The following MED12L variants were observed in gnomAD, a reference collection of about 807,000 sequenced individuals.
MED12L encodes mediator of RNA polymerase II transcription subunit 12-like protein.
A neutral mutation model predicts 281.3 loss-of-function variants in MED12L; 60 were observed. That is an observed-to-expected ratio of 0.21 (90% CI 0.17 to 0.26). The LOEUF is 0.26. Among genes scored for constraint, MED12L ranks in the 10% least tolerant of loss-of-function variants. The pLI is 1.00. For missense variants in MED12L, 2,146 were observed against 2,680.9 expected, an observed-to-expected ratio of 0.80 and a Z score of 4.41; for synonymous variants, 974 against 987.2, an observed-to-expected ratio of 0.99 and a Z score of 0.25.
chr3:151,130,994 A>C (rs1441537382), intron 5 of MED12L, among the ~76,000 whole-genome samples: 1 of 152,188 alleles, frequency 6.6e-6, no homozygotes, highest in African/African-American at 2.4e-5. Flanking sequence ...TAAAATAAAT[A>C]AATGAATAAT....
Position 151,127,823 on chromosome 3 carries a change from AG to A in MED12L, c.397del. ...TAAATATACTATGTTGTTTCTTTTT[AG>A]GTTCCTATCCTTAGTAAAAAAGAGG... On this transcript the variant is annotated splice_acceptor_variant, in intron 4 of 44. Coordinates refer to ENST00000687756, the MANE Select transcript of MED12L (RefSeq NM_001393769.1). LOFTEE classifies it high-confidence loss of function. 1.3e-6 allele frequency: 2 copies of A among 1,585,294 alleles called. No homozygotes were observed. The highest frequency in any genetic ancestry group is 1.7e-6 in the Non-Finnish European group (2 of 1,156,438).
At chr3:151,142,587 TTACC>T (rs1201964677) in intron 5 of MED12L, among the ~76,000 whole-genome samples, 1 of 152,240 alleles carries the variant, frequency 6.6e-6, no homozygotes, top group Non-Finnish European at 1.5e-5. Context: ...GCAATAATTC[TTACC>T]AGTTTCATGC....
intron 16 of MED12L, among the ~76,000 whole-genome samples, chr3:151,256,173 G>A (rs1234484589): frequency 6.6e-6 from 1 of 152,136 alleles, no homozygotes; most frequent in Non-Finnish European, 1.5e-5. Context: ...GTTATAGGAA[G>A]GCTCTTTTAG....
At chr3:151,348,036 T>A (rs1208257864) in intron 16 of MED12L, among the ~76,000 whole-genome samples, 1 of 152,144 alleles carries the variant, frequency 6.6e-6, no homozygotes, top group Non-Finnish European at 1.5e-5. Context: ...GACTTCTAGG[T>A]CTGTAAATAC....
chr3:151,345,926 A>G (rs1244427748), intron 16 of MED12L, among the ~76,000 whole-genome samples: 1 of 152,182 alleles, frequency 6.6e-6, no homozygotes, highest in Non-Finnish European at 1.5e-5. Flanking sequence ...TACTGTAGTA[A>G]CACCTAGCAT....
At chr3:151,216,701 A>G (rs1728301556) in intron 16 of MED12L, among the ~76,000 whole-genome samples, 1 of 152,166 alleles carries the variant, frequency 6.6e-6, no homozygotes. Context: ...GGCTCTGGGC[A>G]TGATGGGTTT....
chr3:151,436,629 G>T lies in MED12L; in HGVS notation c.*3825G>T. 8.1e-7 allele frequency: 1 copy of T among 1,238,432 alleles called. No individual in the cohort carries two copies. 76.7% of individuals were successfully genotyped at this position (1,238,432 alleles called of 1,614,324 possible). A position where few individuals can be genotyped will look rare whatever the true frequency, so the allele number is the denominator to read the frequency against. ...CATTTACATGCCTATGGCTGCCTTT[G>T]ATTAAACTTCTTCCAAAAAATAAAT... On this transcript the variant is annotated 3_prime_UTR_variant, in exon 45 of 45. Coordinates refer to ENST00000687756, the MANE Select transcript of MED12L (RefSeq NM_001393769.1).
chr3:151,156,360 T>G, intron 6 of MED12L, 30 bp downstream of exon 6: 1 of 1,551,102 alleles, frequency 6.4e-7, no homozygotes, highest in Non-Finnish European at 8.7e-7. Flanking sequence ...CAGAGTTGTG[T>G]GCAATGCTTT....
intron 16 of MED12L, among the ~76,000 whole-genome samples, chr3:151,282,096 C>A (rs1742892643): frequency 6.6e-6 from 1 of 152,090 alleles, no homozygotes; most frequent in African/African-American, 2.4e-5. Context: ...TTGTTACTGC[C>A]CTTCCCCTGC....
At chr3:151,382,793 T>G (rs1712624672) in intron 33 of MED12L, 48 bp downstream of exon 33, 3 of 1,436,402 alleles carry the variant, frequency 2.1e-6, no homozygotes, top group Non-Finnish European at 2.9e-6. Context: ...TATTTACATG[T>G]GAAAATACCT....
chr3:151,390,776 T>A (rs576603215), intron 38 of MED12L, among the ~76,000 whole-genome samples: 57 of 152,372 alleles, frequency 3.7e-4, no homozygotes, highest in African/African-American at 1.2e-3. Flanking sequence ...AATAATTTTT[T>A]AAATTTTTCT....
At chr3:151,405,224 G>A (rs1327340261) in intron 39 of MED12L, among the ~76,000 whole-genome samples, 1 of 152,116 alleles carries the variant, frequency 6.6e-6, no homozygotes, top group Non-Finnish European at 1.5e-5. Flanking sequence ...TGTTTATAGA[G>A]GTAAGCCCAA....
chr3:151,151,644 C>G (rs1718530649), intron 5 of MED12L, among the ~76,000 whole-genome samples: 1 of 151,994 alleles, frequency 6.6e-6, no homozygotes, highest in Admixed American at 6.6e-5. Context: ...ACAGCCAGAA[C>G]ACACGCAACA....
rs986507910 is a variant in MED12L, at chr3:151,383,824, A to G, written c.4726A>G (p.Thr1576Ala). 5 of 1,614,050 alleles carry G rather than the reference A, an allele frequency of 3.1e-6. No homozygotes were observed. The South Asian group carries it at 3.3e-5, about 11-fold the overall frequency. The change falls in exon 34 of 45, where the codon ACA (threonine) becomes GCA (alanine). Residue 1576 changes from threonine to alanine, a missense_variant. Coordinates refer to ENST00000687756, the MANE Select transcript of MED12L (RefSeq NM_001393769.1). ...GGTGCAGAGGAGCACCCAGTGGACTACAGACTGGGCCCTGCTACTCCTTCA... is the reference window on the plus strand; with the variant it reads ...GGTGCAGAGGAGCACCCAGTGGACTGCAGACTGGGCCCTGCTACTCCTTCA... The part of the protein sequence containing the change: ...DTVQRSTQWT[T>A]DWALLLLQII...
At position 151,355,254 on chromosome 3, in the gene MED12L, CT is replaced by C. The variant is rs1230759524; in HGVS notation, c.2517+16del. ...TGACATCTCAGGTAGCTATTTAAAG[CT>C]GTTTATTATGCATTTGCAGTATTCT... On this transcript the variant is annotated intron_variant, in intron 18 of 44. Transcript: ENST00000687756. 1.9e-6 allele frequency: 3 copies of C among 1,559,118 alleles called. No individual in the cohort carries two copies. In the South Asian group the frequency reaches 3.4e-5, roughly 18 times the overall value.
chr3:151,164,144 C>A, intron 9 of MED12L, 102 bp downstream of exon 9: 1 of 1,304,154 alleles, frequency 7.7e-7, no homozygotes, highest in Non-Finnish European at 1.1e-6. Context: ...TGCTTGGGTG[C>A]TATCCCAGTT....
chr3:151,328,381 A>G, intron 16 of MED12L: 1 of 1,613,472 alleles, frequency 6.2e-7, no homozygotes, highest in South Asian at 1.1e-5. Context: ...CATAAAACAC[A>G]AGCATTAGGA....
At position 151,435,330 on chromosome 3, in the gene MED12L, TGC is replaced by T. The variant is rs759958594; in HGVS notation, c.*2527_*2528del. On this transcript the variant is annotated 3_prime_UTR_variant, in exon 45 of 45. Transcript: ENST00000687756. ...ACTGTAGGCTTTTTCTTAATAGGGT[TGC>T]ATTTGTCAGTCATTGCATTTACCCT... The T allele has an allele frequency of 1.3e-5, 2 of 148,250 alleles. No homozygotes were observed. Among genetic ancestry groups the T allele is most frequent in the African/African-American group, 2.5e-5 (1 of 39,972 alleles). The allele number at this position is 148,250 out of a possible 1,614,324, so 9.2% of individuals were successfully genotyped here. A position where few individuals can be genotyped will look rare whatever the true frequency, so the allele number is the denominator to read the frequency against.
intron 43 of MED12L, among the ~76,000 whole-genome samples, chr3:151,423,872 A>T (rs968367546): frequency 6.6e-6 from 1 of 152,236 alleles, no homozygotes; most frequent in Non-Finnish European, 1.5e-5. Flanking sequence ...AAAGCTTTAA[A>T]TAGTTGGCTT....
Sources: gnomAD v4.1 joint callset for allele counts (sites outside exome capture counted in the v4.1 genomes callset) on GRCh38, gnomAD v4.1.1 for gene constraint, MANE v1.5 for transcripts, NCBI Gene and HGNC (gene_info 2026-07-23, HGNC 2026-07-21) for gene names.